The following ZC3H18 variants were observed in gnomAD, a reference collection of about 807,000 sequenced individuals.
ZC3H18 encodes zinc finger CCCH-type containing 18.
Under a neutral mutation model 106.1 loss-of-function variants are expected in ZC3H18, and 8 were observed. The observed-to-expected ratio is 0.08, with a 90% CI of 0.04 to 0.14. The LOEUF is 0.14. Ranked by LOEUF, ZC3H18 falls within the 10% of genes least tolerant of loss-of-function variation. The pLI is 1.00. For synonymous variants in ZC3H18, 635 were observed against 522.1 expected (o/e 1.22, Z -2.95); for missense variants, 1,318 against 1,278.4 (o/e 1.03, Z -0.47).
chr16:88,623,258 CTCCCGGTCGCGA>C lies in ZC3H18; in HGVS notation c.1716_1727del (p.Arg573_Ser576del). 6.2e-7 allele frequency: 1 copy of C among 1,613,776 alleles called. No homozygotes were observed. The highest frequency in any genetic ancestry group is 8.5e-7 in the Non-Finnish European group (1 of 1,179,986). On this transcript the variant is annotated inframe_deletion, in exon 10 of 18. Coordinates refer to ENST00000301011, the MANE Select transcript of ZC3H18 (RefSeq NM_144604.4). ...CATCGTCCTACTCTGGCTCCGGCTC[CTCCCGGTCGCGA>C]TCCCGGTCTTCATCCTACAGCTCCT...
chr16:88,582,695 G>A (rs1915207555), intron 2 of ZC3H18, among the ~76,000 whole-genome samples: 1 of 152,180 alleles, frequency 6.6e-6, no homozygotes, highest in Non-Finnish European at 1.5e-5. Context: ...CCTTAGCGTG[G>A]TTAGTGTTCC....
chr16:88,608,862 TA>T, intron 6 of ZC3H18, 71 bp from the exon 7 acceptor site: 1 of 1,283,152 alleles, frequency 7.8e-7, no homozygotes, highest in Non-Finnish European at 1.1e-6. Flanking sequence ...TTTCTGTCCC[TA>T]ATGTTTCGTG....
intron 8 of ZC3H18, among the ~76,000 whole-genome samples, chr16:88,615,704 C>A (rs920289005): frequency 6.6e-6 from 1 of 152,238 alleles, no homozygotes. Flanking sequence ...GGTCACTGTG[C>A]TGTGTGGCTC....
rs559257605 is a variant in ZC3H18, at chr16:88,593,227, T to C, written c.689-4951T>C. Among the ~76,000 whole-genome samples, 8 of 152,186 alleles carry C rather than the reference T, an allele frequency of 5.3e-5. No homozygotes were observed. The East Asian group carries it at 1.5e-3, about 29-fold the overall frequency. On this transcript the variant is annotated intron_variant, in intron 3 of 17. Coordinates refer to ENST00000301011, the MANE Select transcript of ZC3H18 (RefSeq NM_144604.4). The stretch of plus-strand genomic sequence containing the variant: ...CCCCCCTTGACCTCCTGCCAATGCG[T>C]CAGAAGGAAGGTCACCTGCCCCCAG...
At chr16:88,599,719 T>A in intron 5 of ZC3H18, 72 bp from the exon 6 acceptor site, 16 of 1,535,870 alleles carry the variant, frequency 1.0e-5, no homozygotes, top group Non-Finnish European at 1.4e-5. Flanking sequence ...GTGGGACGGC[T>A]CCCTTTGTGT....
Position 88,577,139 on chromosome 16 carries a change from A to G in ZC3H18, c.16A>G (p.Ser6Gly), listed in dbSNP as rs1444593461. MDVAESPERDPHSPED... is the reference protein window; with the variant it reads MDVAEGPERDPHSPED... ...GTGGGTACCGATGGATGTGGCCGAG[A>G]GCCCTGAACGGGATCCTCACTCTCC... Residue 6 changes from serine to glycine, a missense_variant, in exon 2 of 18, where the codon AGC becomes GGC. This residue lies in a region of ZC3H18 where 346 missense variants were observed against 269.0 expected (regional missense o/e 1.29). Coordinates refer to ENST00000301011, the MANE Select transcript of ZC3H18 (RefSeq NM_144604.4). The G allele has an allele frequency of 6.4e-7, 1 of 1,553,290 alleles. No homozygotes were observed.
At position 88,577,296 on chromosome 16, in the gene ZC3H18, C is replaced by G. The variant is rs200921944; in HGVS notation, c.173C>G (p.Pro58Arg). 3 of 1,612,256 alleles carry G rather than the reference C, an allele frequency of 1.9e-6. No homozygotes were observed. The highest frequency in any genetic ancestry group is 2.5e-6 in the Non-Finnish European group (3 of 1,179,190). ...GATGAGGAAAGTGCAGCCAGGGGGC[C>G]GAGCCAGGAGGAGGAAGATAATCAC... The part of the protein sequence containing the change: ...LEDEESAARG[P>R]SQEEEDNHSD... Residue 58 changes from proline (P) to arginine (R), a missense_variant, in exon 2 of 18, where the codon CCG (proline) becomes CGG (arginine). Transcript: ENST00000301011.
Position 88,624,474 on chromosome 16 carries a change from G to A in ZC3H18, c.1899-128G>A, listed in dbSNP as rs192050747. ...TGGGTGGGGAGCCGTGTCCAGGCACGAGCGTGCTCACCGAGCGTCACAGGC... is the reference window on the plus strand; with the variant it reads ...TGGGTGGGGAGCCGTGTCCAGGCACAAGCGTGCTCACCGAGCGTCACAGGC... On this transcript the variant is annotated intron_variant, in intron 11 of 17. Coordinates refer to ENST00000301011, the MANE Select transcript of ZC3H18 (RefSeq NM_144604.4). The A allele has an allele frequency of 1.3e-4, 183 of 1,430,856 alleles. 2 individuals carry two copies. Among genetic ancestry groups the A allele is most frequent in the East Asian group, 5.2e-4 (21 of 40,774 alleles). 88.6% of individuals were successfully genotyped at this position (1,430,856 alleles called of 1,614,324 possible).
chr16:88,623,122 C>G, intron 9 of ZC3H18, 97 bp from the exon 10 acceptor site: 1 of 1,498,574 alleles, frequency 6.7e-7, no homozygotes. Flanking sequence ...TGTAGCTGTG[C>G]GTCTGTGGGT....
At chr16:88,615,297 C>A (rs1300408478) in intron 8 of ZC3H18, among the ~76,000 whole-genome samples, 1 of 151,536 alleles carries the variant, frequency 6.6e-6, no homozygotes, top group African/African-American at 2.4e-5. Context: ...TTCCTCTGCA[C>A]AGGGAAGTCT....
chr16:88,599,646 G>A (rs1051512703), intron 5 of ZC3H18, 145 bp from the exon 6 acceptor site: 25 of 964,952 alleles, frequency 2.6e-5, no homozygotes, highest in African/African-American at 9.8e-5. Flanking sequence ...TGCTGTGTCC[G>A]CCCCTCACCC....
chr16:88,615,600 T>C lies in ZC3H18; in HGVS notation c.1475+4064T>C, dbSNP rs1035333387. On this transcript the variant is annotated intron_variant, in intron 8 of 17. Coordinates refer to ENST00000301011, the MANE Select transcript of ZC3H18 (RefSeq NM_144604.4). ...TTCTACAAACAGAACCAGCTGAGTC[T>C]GCTTTCCAGATTCACAAAATAGGGG... is the stretch of plus-strand genomic sequence containing the variant. Among the ~76,000 whole-genome samples the C allele has an allele frequency of 2.6e-5, 4 of 152,230 alleles. No individual in the cohort carries two copies. The South Asian group carries it at 6.2e-4, about 24-fold the overall frequency.
At chr16:88,598,409 G>T in intron 4 of ZC3H18, 83 bp downstream of exon 4, 1 of 1,534,308 alleles carries the variant, frequency 6.5e-7, no homozygotes, top group Non-Finnish European at 8.8e-7. Context: ...AAGTCACTGT[G>T]CCTTAGCACA....
chr16:88,607,883 C>G (rs1905087556), intron 6 of ZC3H18, among the ~76,000 whole-genome samples: 1 of 152,360 alleles, frequency 6.6e-6, no homozygotes, highest in South Asian at 2.1e-4. Context: ...CACTTTGTGT[C>G]TCTCAGGAAT....
At chr16:88,583,968 A>G (rs570866009) in intron 2 of ZC3H18, among the ~76,000 whole-genome samples, 2 of 152,306 alleles carry the variant, frequency 1.3e-5, no homozygotes, top group South Asian at 4.2e-4. Flanking sequence ...TAGTGTGACA[A>G]TCTCAGATGA....
In ZC3H18 at chr16:88,622,341, G is replaced by A. The variant is rs771587173; in HGVS notation, c.1620G>A (p.Arg540=). Residue 540 remains arginine (R), a synonymous_variant, in exon 9 of 18, where the codon AGG becomes AGA. Transcript: ENST00000301011. Reference sequence around the variant, plus strand: ...CGGTCTCCCCGAGCCGGGCTCGAAGGCGTCGGAAAACATCAGCCTCGTCAG... The same window carrying A: ...CGGTCTCCCCGAGCCGGGCTCGAAGACGTCGGAAAACATCAGCCTCGTCAG... The part of the protein sequence containing the change: ...GVSVSPSRAR[R]RRKTSASSAS... 1 of 1,613,602 alleles carries A rather than the reference G, an allele frequency of 6.2e-7. No homozygotes were observed. The highest frequency in any genetic ancestry group is 8.5e-7 in the Non-Finnish European group (1 of 1,179,770).
rs189122015 is a variant in ZC3H18, at chr16:88,617,513, C to T, written c.1476-4684C>T. Among the ~76,000 whole-genome samples, 35 of 152,302 alleles carry T rather than the reference C, an allele frequency of 2.3e-4. 1 individual carries two copies. The highest frequency in any genetic ancestry group is 7.7e-4 in the African/African-American group (32 of 41,540). On this transcript the variant is annotated intron_variant, in intron 8 of 17. Coordinates refer to ENST00000301011, the MANE Select transcript of ZC3H18 (RefSeq NM_144604.4). Reference sequence around the variant, plus strand: ...TGCTCACCGCCGAGGCACGTCATTACGATGCTCTTTGGCTAGTCATTGTCA... The same window carrying T: ...TGCTCACCGCCGAGGCACGTCATTATGATGCTCTTTGGCTAGTCATTGTCA...
intron 3 of ZC3H18, among the ~76,000 whole-genome samples, chr16:88,597,769 C>T (rs907848177): frequency 2.6e-5 from 4 of 152,230 alleles, no homozygotes; most frequent in Admixed American, 2.6e-4. Flanking sequence ...ATTGTTAATG[C>T]TTCTCATTGA....
intron 16 of ZC3H18, 182 bp from the exon 17 acceptor site, chr16:88,630,303 C>CCTTG (rs1440897452): frequency 6.6e-5 from 36 of 549,212 alleles, no homozygotes; most frequent in Non-Finnish European, 3.2e-6. Flanking sequence ...TTTCCAGATG[C>CCTTG]CTTGGTGCCC....
Sources: allele counts gnomAD v4.1 joint callset (sites outside exome capture counted in the v4.1 genomes callset), GRCh38; gene constraint gnomAD v4.1.1; regional missense constraint gnomAD v4.1.1; transcripts MANE v1.5; gene names NCBI Gene and HGNC (gene_info 2026-07-23, HGNC 2026-07-21).